Variants in BCL11A observed in about 807,000 individuals in gnomAD.
BCL11A encodes the protein B cell CLL/lymphoma 11A.
A neutral mutation model predicts 55.9 loss-of-function variants in BCL11A; 2 were observed. That is an observed-to-expected ratio of 0.04 (90% CI 0.01 to 0.11). BCL11A has a LOEUF of 0.11. BCL11A is among the 10% of genes least tolerant of loss of function. BCL11A has a pLI of 1.00. For missense variants in BCL11A, 817 were observed against 1,137.1 expected, an observed-to-expected ratio of 0.72 and a Z score of 4.05; for synonymous variants, 465 against 473.4, an observed-to-expected ratio of 0.98 and a Z score of 0.23.
intron 2 of BCL11A, among the ~76,000 whole-genome samples, chr2:60,498,652 C>A (rs936251209): frequency 2.0e-5 from 3 of 152,222 alleles, no homozygotes; most frequent in South Asian, 2.1e-4. Context: ...CAGAGGTGAT[C>A]TGACCCCTCT....
intron 2 of BCL11A, among the ~76,000 whole-genome samples, chr2:60,469,171 A>T (rs1165344838): frequency 6.6e-6 from 1 of 152,206 alleles, no homozygotes; most frequent in Non-Finnish European, 1.5e-5. Flanking sequence ...AAAACTGGTA[A>T]TATTGTGGGT....
chr2:60,504,442 A>G (rs1460951873), intron 2 of BCL11A, among the ~76,000 whole-genome samples: 1 of 152,232 alleles, frequency 6.6e-6, no homozygotes, highest in Non-Finnish European at 1.5e-5. Flanking sequence ...CTGCTCTCCC[A>G]AAGAAGGAAT....
intron 2 of BCL11A, chr2:60,544,142 A>G (rs545657265): frequency 8.5e-5 from 13 of 152,344 alleles, no homozygotes; most frequent in Admixed American, 2.6e-4. Context: ...GACCTCAGTA[A>G]GAAGTGTGGT....
chr2:60,532,846 AC>A (rs1217962024), intron 2 of BCL11A: 4 of 152,214 alleles, frequency 2.6e-5, no homozygotes, highest in African/African-American at 9.6e-5. Context: ...TTTTCAAAAG[AC>A]TTATGCAAAG....
chr2:60,469,259 A>G (rs1195511535), intron 2 of BCL11A, among the ~76,000 whole-genome samples: 1 of 152,200 alleles, frequency 6.6e-6, no homozygotes, highest in Non-Finnish European at 1.5e-5. Context: ...AGACAAACCC[A>G]AGCAAAAAGC....
rs549294990 is a variant in BCL11A at position 60,459,458 on chromosome 2, T to C, written c.*946A>G. 13 of 1,021,490 alleles carry C rather than the reference T, an allele frequency of 1.3e-5. No individual in the cohort carries two copies. Among genetic ancestry groups the C allele is most frequent in the South Asian group, 4.6e-5 (1 of 21,622 alleles). The allele number at this position is 1,021,490 out of a possible 1,614,324, so 63.3% of individuals were successfully genotyped here. On this transcript the variant is annotated 3_prime_UTR_variant, in exon 4 of 4. Transcript: ENST00000642384. ...CTCACCAGGAGCAAAGTAGCTTTTA[T>C]ACTGGTATAATCAGTTTTGTTTATA...
At chr2:60,496,503 A>T (rs1416746417) in intron 2 of BCL11A, 2 of 152,312 alleles carry the variant, frequency 1.3e-5, no homozygotes, top group Non-Finnish European at 2.9e-5. Flanking sequence ...GAGTAGCCTG[A>T]AGCAGGAAAG....
At chr2:60,495,884 T>A (rs1011758570) in intron 2 of BCL11A, 1 of 152,108 alleles carries the variant, frequency 6.6e-6, no homozygotes, top group Non-Finnish European at 1.5e-5. Context: ...GAAGTCAAAC[T>A]GTAATTCCAG....
At chr2:60,463,256 G>C (rs1572955037) in intron 3 of BCL11A, among the ~76,000 whole-genome samples, 2 of 152,222 alleles carry the variant, frequency 1.3e-5, no homozygotes, top group African/African-American at 2.4e-5. Flanking sequence ...TCAGACAAAT[G>C]CAAGTCTGGA....
At chr2:60,485,894 T>C (rs1372717108) in intron 2 of BCL11A, among the ~76,000 whole-genome samples, 1 of 152,238 alleles carries the variant, frequency 6.6e-6, no homozygotes, top group East Asian at 1.9e-4. Flanking sequence ...AATACATTGC[T>C]GCATCTGATT....
chr2:60,513,299 A>G (rs531901306), intron 2 of BCL11A, among the ~76,000 whole-genome samples: 1 of 152,250 alleles, frequency 6.6e-6, no homozygotes, highest in Non-Finnish European at 1.5e-5. Flanking sequence ...TAAATATGAG[A>G]CAAGGAGGGG....
intron 2 of BCL11A, chr2:60,528,646 A>AGGGT (rs1669313048): frequency 1.3e-5 from 2 of 152,354 alleles, no homozygotes; most frequent in South Asian, 4.1e-4. Flanking sequence ...GAGGTAGCAG[A>AGGGT]GGGTGGCGGC....
At chr2:60,511,907 C>T (rs184692252) in intron 2 of BCL11A, among the ~76,000 whole-genome samples, 4 of 152,306 alleles carry the variant, frequency 2.6e-5, no homozygotes, top group East Asian at 1.9e-4. Context: ...TCCTCTGCTA[C>T]GCCCAGTGGC....
Position 60,461,125 on chromosome 2 carries a change from C to G in BCL11A, c.1787G>C (p.Arg596Pro). 6.2e-7 allele frequency: 1 copy of G among 1,609,892 alleles called. No individual in the cohort carries two copies. The highest frequency in any genetic ancestry group is 8.5e-7 in the Non-Finnish European group (1 of 1,178,624). The change falls in exon 4 of 4, where the codon CGC (arginine) becomes CCC (proline). Residue 596 changes from arginine to proline, a missense_variant. By Grantham distance (103) the Arg-to-Pro change is moderately radical. Coordinates refer to ENST00000642384, the MANE Select transcript of BCL11A (RefSeq NM_022893.4). ...GCCATTAACAGTGCCATCGTCTATG[C>G]GGTCCGACTCGCCGGCCACCGAGTC... ...DEDSVAGESD[R>P]IDDGTVNGRG...
At chr2:60,474,898 T>A (rs1445056110) in intron 2 of BCL11A, among the ~76,000 whole-genome samples, 1 of 152,174 alleles carries the variant, frequency 6.6e-6, no homozygotes, top group African/African-American at 2.4e-5. Context: ...CAGAAATTGC[T>A]CTACCCCCAT....
rs1424041293 is a variant in BCL11A, at chr2:60,477,539, A to G, written c.386-8706T>C. 4.6e-5 allele frequency among the ~76,000 whole-genome samples: 7 copies of G among 152,298 alleles called. No individual in the cohort carries two copies. The South Asian group carries it at 1.0e-3, about 23-fold the overall frequency. On this transcript the variant is annotated intron_variant, in intron 2 of 3. Transcript: ENST00000642384. ...TAGGTGCAGCAAACCACCATGGTAC[A>G]TGTATACTTATGTAACAAACCTGCA...
chr2:60,458,156 A>G lies in BCL11A; in HGVS notation c.*2248T>C. 1 of 1,027,464 alleles carries G rather than the reference A, an allele frequency of 9.7e-7. No individual in the cohort carries two copies. The highest frequency in any genetic ancestry group is 1.2e-6 in the Non-Finnish European group (1 of 854,170). 63.6% of individuals were successfully genotyped at this position (1,027,464 alleles called of 1,614,324 possible). The stretch of plus-strand genomic sequence containing the variant: ...AACACTAGATGAACATTTAATTCAA[A>G]TACCATTCTAGAAATACAGAAAAAA... On this transcript the variant is annotated 3_prime_UTR_variant, in exon 4 of 4. Coordinates refer to ENST00000642384, the MANE Select transcript of BCL11A (RefSeq NM_022893.4).
chr2:60,507,370 A>G (rs1339082144), intron 2 of BCL11A, among the ~76,000 whole-genome samples: 1 of 29,616 alleles, frequency 3.4e-5, no homozygotes, highest in African/African-American at 4.1e-4. Flanking sequence ...AAGGGAAGGG[A>G]AGGGAAGGGA....
Position 60,546,314 on chromosome 2 carries a change from A to C in BCL11A, c.56-14T>G. On this transcript the variant is annotated splice_polypyrimidine_tract_variant and intron_variant, in intron 1 of 3. Coordinates refer to ENST00000642384, the MANE Select transcript of BCL11A (RefSeq NM_022893.4). The surrounding 1 kb of genome is among the most constrained non-coding windows in gnomAD (Gnocchi z 4.1). ...CAAGAGGCTCGGCTGTGGTTGGAGAAACAAAAGCACAATTATTAGAGTGCC... is the reference window on the plus strand; with the variant it reads ...CAAGAGGCTCGGCTGTGGTTGGAGACACAAAAGCACAATTATTAGAGTGCC... The C allele has an allele frequency of 3.1e-6, 5 of 1,608,464 alleles. No homozygotes were observed. Among genetic ancestry groups the C allele is most frequent in the Non-Finnish European group, 3.4e-6 (4 of 1,176,494 alleles).
Sources: allele counts gnomAD v4.1 joint callset (sites outside exome capture counted in the v4.1 genomes callset), GRCh38; gene constraint gnomAD v4.1.1; non-coding constraint Gnocchi (gnomAD v3.1); transcripts MANE v1.5; gene names NCBI Gene and HGNC (gene_info 2026-07-23, HGNC 2026-07-21).